Variants in CDKAL1 observed in about 807,000 individuals in gnomAD.
CDKAL1 encodes the protein threonylcarbamoyladenosine tRNA methylthiotransferase.
Under a neutral mutation model 68.2 loss-of-function variants are expected in CDKAL1, and 32 were observed. That is an observed-to-expected ratio of 0.47 (90% CI 0.35 to 0.63). The LOEUF is 0.63. Ranked by LOEUF, CDKAL1 falls within the 30% of genes least tolerant of loss-of-function variation. The pLI, the probability that CDKAL1 is intolerant of heterozygous loss-of-function variation, is 0.00. For synonymous variants in CDKAL1, 234 were observed against 244.3 expected (o/e 0.96, Z 0.39); for missense variants, 606 against 696.7 (o/e 0.87, Z 1.47).
chr6:21,141,934 A>G (rs571964477), intron 13 of CDKAL1, among the ~76,000 whole-genome samples: 2 of 152,308 alleles, frequency 1.3e-5, no homozygotes, highest in East Asian at 3.9e-4. Flanking sequence ...TAAATCTTAT[A>G]CTGAAAACAT....
intron 4 of CDKAL1, among the ~76,000 whole-genome samples, chr6:20,607,384 A>G (rs1766378355): frequency 6.6e-6 from 1 of 152,230 alleles, no homozygotes; most frequent in Non-Finnish European, 1.5e-5. Context: ...CTTTTAAATT[A>G]TTCATAGACT....
intron 11 of CDKAL1, among the ~76,000 whole-genome samples, chr6:21,000,755 T>C (rs536500585): frequency 2.5e-4 from 38 of 152,350 alleles, no homozygotes; most frequent in Middle Eastern, 3.4e-3. Flanking sequence ...CCAAATTGTG[T>C]CACTACAAAA....
At chr6:20,703,958 T>A (rs751815720) in intron 5 of CDKAL1, among the ~76,000 whole-genome samples, 20 of 152,236 alleles carry the variant, frequency 1.3e-4, no homozygotes, top group Non-Finnish European at 1.2e-4. Context: ...ATGATCAAAT[T>A]AAACACTAAT....
intron 11 of CDKAL1, among the ~76,000 whole-genome samples, chr6:21,032,426 CTATTTT>C (rs1246849522): frequency 6.6e-6 from 1 of 152,116 alleles, no homozygotes; most frequent in African/African-American, 2.4e-5. Flanking sequence ...GGAACTCTGT[CTATTTT>C]TATTTAAAGT....
chr6:20,983,448 C>T (rs1241603050), intron 10 of CDKAL1, among the ~76,000 whole-genome samples: 1 of 152,168 alleles, frequency 6.6e-6, no homozygotes, highest in Non-Finnish European at 1.5e-5. Context: ...AGGCCGGGTG[C>T]AGTGGCTCAC....
chr6:20,831,007 T>C (rs1161119306), intron 8 of CDKAL1, among the ~76,000 whole-genome samples: 1 of 152,134 alleles, frequency 6.6e-6, no homozygotes, highest in East Asian at 1.9e-4. Flanking sequence ...TAACAGATTG[T>C]CTGCATAATC....
chr6:21,047,097 T>TG (rs1261297726), intron 11 of CDKAL1, among the ~76,000 whole-genome samples: 3 of 151,860 alleles, frequency 2.0e-5, no homozygotes, highest in Admixed American at 6.6e-5. Flanking sequence ...TTTTTGTGTT[T>TG]TTTTTTTTTA....
At chr6:20,906,591 C>T (rs1762241069) in intron 9 of CDKAL1, among the ~76,000 whole-genome samples, 1 of 152,092 alleles carries the variant, frequency 6.6e-6, no homozygotes, top group African/African-American at 2.4e-5. Context: ...ATTGTCCATA[C>T]ACTCCTCAAC....
intron 5 of CDKAL1, among the ~76,000 whole-genome samples, chr6:20,693,395 C>T (rs1049533498): frequency 9.9e-5 from 15 of 152,056 alleles, no homozygotes; most frequent in Non-Finnish European, 8.8e-5. Context: ...TTCTTTTATT[C>T]AATTCCAGGA....
rs186337812 is a variant in CDKAL1, at chr6:20,705,985, G to A, written c.372-33534G>A. Among the ~76,000 whole-genome samples, 413 of 152,196 alleles carry A rather than the reference G, an allele frequency of 2.7e-3. 4 individuals carry two copies. The highest frequency in any genetic ancestry group is 8.9e-3 in the African/African-American group (368 of 41,528). ...TTGACATTGCAGTCACTCTTCCAAG[G>A]GCAGCAGCAGACCGTCTCCATGGGT... On this transcript the variant is annotated intron_variant, in intron 5 of 15. Coordinates refer to ENST00000274695, the MANE Select transcript of CDKAL1 (RefSeq NM_017774.3).
At chr6:20,548,544 A>T in intron 3 of CDKAL1, 49 bp from the exon 4 acceptor site, 1 of 881,546 alleles carries the variant, frequency 1.1e-6, no homozygotes, top group South Asian at 1.4e-5. Flanking sequence ...AAAAAAAAAA[A>T]AATCACTCAA....
intron 5 of CDKAL1, among the ~76,000 whole-genome samples, chr6:20,668,224 C>T (rs1287819687): frequency 6.6e-6 from 1 of 152,004 alleles, no homozygotes; most frequent in Non-Finnish European, 1.5e-5. Context: ...TTTAGTGTTC[C>T]AGTTTATGTG....
At chr6:21,155,252 G>GT (rs11456476) in intron 13 of CDKAL1, among the ~76,000 whole-genome samples, 50,844 of 151,360 alleles carry the variant, frequency 0.34, 8,790 homozygotes, top group African/African-American at 0.42. Context: ...GTTTTATCTA[G>GT]TTTTTTTTCC....
At chr6:21,107,416 CT>C (rs1562036978) in intron 12 of CDKAL1, among the ~76,000 whole-genome samples, 1 of 151,802 alleles carries the variant, frequency 6.6e-6, no homozygotes, top group African/African-American at 2.4e-5. Flanking sequence ...TTTCTTTTTT[CT>C]TTCTTTCTTT....
intron 10 of CDKAL1, among the ~76,000 whole-genome samples, chr6:20,995,764 A>G (rs1287019652): frequency 6.6e-6 from 1 of 152,206 alleles, no homozygotes; most frequent in Non-Finnish European, 1.5e-5. Flanking sequence ...TACAGTCACC[A>G]GTTGCATTAT....
At chr6:20,888,820 G>T (rs146726947) in intron 9 of CDKAL1, among the ~76,000 whole-genome samples, 16 of 152,160 alleles carry the variant, frequency 1.1e-4, no homozygotes, top group African/African-American at 3.1e-4. Flanking sequence ...GAATAGTGCC[G>T]CAGTAAACAT....
chr6:20,751,794 T>C (rs903831411), intron 6 of CDKAL1, among the ~76,000 whole-genome samples: 15 of 152,330 alleles, frequency 9.8e-5, no homozygotes, highest in African/African-American at 3.6e-4. Context: ...CCTGTCTTTT[T>C]TTGTGTGTAT....
At chr6:20,912,597 T>C (rs1762515250) in intron 9 of CDKAL1, among the ~76,000 whole-genome samples, 2 of 152,322 alleles carry the variant, frequency 1.3e-5, no homozygotes, top group South Asian at 4.1e-4. Flanking sequence ...CAGAGTTGGA[T>C]GCCCAAGTGT....
chr6:20,919,756 C>T (rs1048784588), intron 9 of CDKAL1, among the ~76,000 whole-genome samples: 1 of 152,144 alleles, frequency 6.6e-6, no homozygotes, highest in Admixed American at 6.5e-5. Flanking sequence ...GAACACCTTA[C>T]TATAATCTGG....
Sources: gnomAD v4.1 joint callset for allele counts (sites outside exome capture counted in the v4.1 genomes callset) on GRCh38, gnomAD v4.1.1 for gene constraint, MANE v1.5 for transcripts, NCBI Gene and HGNC (gene_info 2026-07-23, HGNC 2026-07-21) for gene names.